The following SYN3 variants were observed in gnomAD, a reference collection of about 807,000 sequenced individuals.
The protein encoded by SYN3 is synapsin III, also known as synapsin-3.
In SYN3, 35 loss-of-function variants were observed where a neutral mutation model predicts 65.8. The ratio of observed to expected loss-of-function variants is 0.53; its 90% CI spans 0.41 to 0.70. The LOEUF is 0.70. Among genes scored for constraint, SYN3 ranks in the 30% least tolerant of loss-of-function variants. SYN3 has a pLI of 0.00. For synonymous variants in SYN3, 270 were observed against 292.9 expected, an observed-to-expected ratio of 0.92 and a Z score of 0.80; for missense variants, 680 against 749.0, an observed-to-expected ratio of 0.91 and a Z score of 1.08.
chr22:32,963,170 G>A (rs201993341), intron 3 of SYN3, among the ~76,000 whole-genome samples: 56 of 150,354 alleles, frequency 3.7e-4, no homozygotes, highest in Admixed American at 9.9e-4. Context: ...TCTGCCTCTC[G>A]GGTTCAAGCC....
At chr22:32,687,847 C>A (rs2147140897) in intron 6 of SYN3, among the ~76,000 whole-genome samples, 1 of 152,308 alleles carries the variant, frequency 6.6e-6, no homozygotes, top group South Asian at 2.1e-4. Context: ...GCTGGCCCAT[C>A]CTAAGTGCCA....
intron 3 of SYN3, among the ~76,000 whole-genome samples, chr22:32,950,149 G>A (rs2051246808): frequency 6.6e-6 from 1 of 151,988 alleles, no homozygotes; most frequent in African/African-American, 2.4e-5. Flanking sequence ...ATATTTTGCA[G>A]GAGAAACAGA....
At chr22:33,032,117 C>T (rs1465295102) in intron 1 of SYN3, among the ~76,000 whole-genome samples, 3 of 150,794 alleles carry the variant, frequency 2.0e-5, no homozygotes, top group Non-Finnish European at 2.9e-5. Flanking sequence ...GGCTAAGGCA[C>T]GAGAACTGCT....
chr22:32,936,583 G>A (rs2050782627), intron 3 of SYN3, among the ~76,000 whole-genome samples: 1 of 152,176 alleles, frequency 6.6e-6, no homozygotes, highest in African/African-American at 2.4e-5. Flanking sequence ...ATACATGAAA[G>A]GAAAGTAATC....
chr22:32,709,487 G>A (rs2060926499), intron 6 of SYN3, among the ~76,000 whole-genome samples: 1 of 152,132 alleles, frequency 6.6e-6, no homozygotes, highest in Non-Finnish European at 1.5e-5. Flanking sequence ...GAACAAAATT[G>A]GAAAATAGAA....
intron 6 of SYN3, among the ~76,000 whole-genome samples, chr22:32,734,513 G>GACAGA (rs1555941121): frequency 7.3e-5 from 11 of 151,442 alleles, no homozygotes; most frequent in African/African-American, 1.2e-4. Context: ...AGGCAGGCAG[G>GACAGA]CAGACAGACA....
intron 6 of SYN3, among the ~76,000 whole-genome samples, chr22:32,598,366 A>T (rs1388675220): frequency 3.3e-5 from 5 of 152,230 alleles, no homozygotes; most frequent in Admixed American, 6.5e-5. Context: ...AAGAAAATCG[A>T]GACTCAAGTG....
In SYN3 at chr22:32,874,786, C is replaced by T. The variant is rs1053022878; in HGVS notation, c.462-5661G>A. ...CCTGCGAAGGCTCCAGACTTTCTGACGTCCATGTCAACGGGCAAAGAGACT... is the reference window on the plus strand; with the variant it reads ...CCTGCGAAGGCTCCAGACTTTCTGATGTCCATGTCAACGGGCAAAGAGACT... On this transcript the variant is annotated intron_variant, in intron 4 of 13. Coordinates refer to ENST00000358763, the MANE Select transcript of SYN3 (RefSeq NM_003490.4). 5.9e-5 allele frequency among the ~76,000 whole-genome samples: 9 copies of T among 152,176 alleles called. No individual in the cohort carries two copies. The South Asian group carries it at 1.0e-3, about 18-fold the overall frequency.
At chr22:32,911,163 T>C (rs919358741) in intron 4 of SYN3, among the ~76,000 whole-genome samples, 48 of 152,334 alleles carry the variant, frequency 3.2e-4, no homozygotes, top group Admixed American at 2.3e-3. Context: ...GTCAGCAGTC[T>C]GGGGTCTGGG....
intron 6 of SYN3, among the ~76,000 whole-genome samples, chr22:32,733,904 G>T (rs981984599): frequency 1.3e-5 from 2 of 152,096 alleles, no homozygotes; most frequent in Admixed American, 1.3e-4. Flanking sequence ...GTCAAAGCCT[G>T]GTGGAGAGGA....
At chr22:32,651,087 T>C (rs1043442611) in intron 6 of SYN3, among the ~76,000 whole-genome samples, 3 of 152,004 alleles carry the variant, frequency 2.0e-5, no homozygotes, top group Non-Finnish European at 4.4e-5. Flanking sequence ...GTGAGGGGTC[T>C]GAGGAGTAGA....
At chr22:32,619,948 TGA>T (rs2059571915) in intron 6 of SYN3, among the ~76,000 whole-genome samples, 1 of 152,208 alleles carries the variant, frequency 6.6e-6, no homozygotes, top group Non-Finnish European at 1.5e-5. Context: ...TACAGCCAGC[TGA>T]CCTCCAAACA....
At chr22:32,875,886 G>A (rs2048970059) in intron 4 of SYN3, among the ~76,000 whole-genome samples, 3 of 152,162 alleles carry the variant, frequency 2.0e-5, no homozygotes, top group African/African-American at 7.2e-5. Flanking sequence ...CACCCAACCT[G>A]TGGTGCTTTG....
In SYN3 at chr22:32,556,818, T is replaced by G. The variant is rs866767764; in HGVS notation, c.775-15105A>C. Among the ~76,000 whole-genome samples the G allele has an allele frequency of 1.9e-3, 248 of 129,640 alleles. 13 individuals are homozygous for G. Among genetic ancestry groups the G allele is most frequent in the African/African-American group, 3.9e-3 (131 of 33,874 alleles). 85.0% of individuals were successfully genotyped at this position (129,640 alleles called of 152,430 possible). On this transcript the variant is annotated intron_variant, in intron 7 of 13. Coordinates refer to ENST00000358763, the MANE Select transcript of SYN3 (RefSeq NM_003490.4). ...TAGGTTTCCTGGTTTTTTTTTTTTTTTTTTTTTTTTTTTTTTTGTGTGTAG... is the reference window on the plus strand; with the variant it reads ...TAGGTTTCCTGGTTTTTTTTTTTTTGTTTTTTTTTTTTTTTTTGTGTGTAG...
chr22:32,990,924 G>T (rs890451171), intron 2 of SYN3, among the ~76,000 whole-genome samples: 1 of 152,110 alleles, frequency 6.6e-6, no homozygotes, highest in African/African-American at 2.4e-5. Context: ...AGTGGCTCAC[G>T]CCTGTAATCC....
rs73881773 is a variant in SYN3 at position 32,632,373 on chromosome 22, G to A, written c.712-35637C>T. On this transcript the variant is annotated intron_variant, in intron 6 of 13. Transcript: ENST00000358763. Reference sequence around the variant, plus strand: ...AGAATCCCAGCTCTGATATTTACTTGTATGGGATCTTGGGCAAATTACTTC... The same window carrying A: ...AGAATCCCAGCTCTGATATTTACTTATATGGGATCTTGGGCAAATTACTTC... Among the ~76,000 whole-genome samples the A allele has an allele frequency of 5.5e-3, 838 of 152,290 alleles. 7 individuals are homozygous for A. Among genetic ancestry groups the A allele is most frequent in the African/African-American group, 0.02 (811 of 41,564 alleles).
chr22:32,719,928 G>T (rs570700546), intron 6 of SYN3, among the ~76,000 whole-genome samples: 62 of 152,338 alleles, frequency 4.1e-4, no homozygotes, highest in African/African-American at 1.4e-3. Flanking sequence ...GAGGGGAAGG[G>T]GGGACAAGGG....
chr22:32,962,945 A>G (rs2051704980), intron 3 of SYN3, among the ~76,000 whole-genome samples: 1 of 150,820 alleles, frequency 6.6e-6, no homozygotes, highest in African/African-American at 2.4e-5. Context: ...CTCTTAAACA[A>G]TTTCTCTCTA....
At chr22:32,900,653 GAACTGTATAT>G (rs2146524468) in intron 4 of SYN3, among the ~76,000 whole-genome samples, 1 of 152,280 alleles carries the variant, frequency 6.6e-6, no homozygotes, top group Admixed American at 6.5e-5. Context: ...ATGAGGCCAA[GAACTGTATAT>G]ACTCCTCACT....
Sources: allele counts gnomAD v4.1 joint callset (sites outside exome capture counted in the v4.1 genomes callset), GRCh38; gene constraint gnomAD v4.1.1; transcripts MANE v1.5; gene names NCBI Gene and HGNC (gene_info 2026-07-23, HGNC 2026-07-21).